Variants in MYRFL observed in about 807,000 individuals in gnomAD.
MYRFL encodes the protein myelin regulatory factor-like protein.
MYRFL carries 88 observed loss-of-function variants against 109.4 expected under a neutral mutation model. The observed-to-expected ratio is 0.80, with a 90% CI of 0.68 to 0.96. MYRFL has a LOEUF of 0.96. MYRFL is among the 40% of genes least tolerant of loss of function. The pLI, the probability that MYRFL is intolerant of heterozygous loss-of-function variation, is 0.00. For synonymous variants in MYRFL, 324 were observed against 320.9 expected (o/e 1.01, Z -0.10); for missense variants, 957 against 954.9 (o/e 1.00, Z -0.03).
intron 22 of MYRFL, among the ~76,000 whole-genome samples, chr12:69,957,591 A>G (rs2120567105): frequency 6.6e-6 from 1 of 152,178 alleles, no homozygotes; most frequent in Middle Eastern, 3.4e-3. Flanking sequence ...AAAAAAAGAA[A>G]CCATCATATA....
chr12:69,914,389 G>GTACAT (rs1954668402), intron 13 of MYRFL, among the ~76,000 whole-genome samples: 1 of 152,086 alleles, frequency 6.6e-6, no homozygotes. Flanking sequence ...TAGTCCCAGG[G>GTACAT]TACAGCCTTG....
At chr12:69,926,831 G>A in intron 14 of MYRFL, 97 bp downstream of exon 14, 2 of 1,082,222 alleles carry the variant, frequency 1.8e-6, no homozygotes, top group East Asian at 3.2e-5. Context: ...TGATCAAACA[G>A]CAACCGCTAC....
At chr12:69,855,152 A>G (rs532004700) in intron 1 of MYRFL, 128 bp from the exon 2 acceptor site, 2 of 488,348 alleles carry the variant, frequency 4.1e-6, no homozygotes, top group Admixed American at 6.6e-5. Flanking sequence ...TGCCTCTTCC[A>G]TGCTGTTGAT....
intron 13 of MYRFL, among the ~76,000 whole-genome samples, chr12:69,926,282 C>T (rs897474907): frequency 2.0e-5 from 3 of 152,078 alleles, no homozygotes; most frequent in Non-Finnish European, 4.4e-5. Flanking sequence ...GAAAATAAAT[C>T]TTTCAATTCC....
chr12:69,900,658 G>A (rs1314149140), intron 10 of MYRFL, among the ~76,000 whole-genome samples: 1 of 152,176 alleles, frequency 6.6e-6, no homozygotes, highest in Non-Finnish European at 1.5e-5. Context: ...CCTAAGAGCT[G>A]CCTTCCTCAG....
chr12:69,850,222 T>C lies in MYRFL; in HGVS notation c.47-5058T>C, dbSNP rs1442739403. Among the ~76,000 whole-genome samples the C allele has an allele frequency of 2.0e-5, 3 of 152,196 alleles. 1 individual carries two copies. The highest frequency in any genetic ancestry group is 4.1e-4 in the South Asian group (2 of 4,828). ...TGGAATTGTAAGTCCAATAAACCTC[T>C]TCGTTTTGTAAATTGCCCAGTCTTG... On this transcript the variant is annotated intron_variant, in intron 1 of 24. Coordinates refer to ENST00000552032, the MANE Select transcript of MYRFL (RefSeq NM_182530.3).
intron 2 of MYRFL, among the ~76,000 whole-genome samples, chr12:69,858,846 A>G (rs1884461268): frequency 6.6e-6 from 1 of 150,868 alleles, no homozygotes; most frequent in Admixed American, 6.6e-5. Flanking sequence ...ACTGACTTCT[A>G]CTCTTATCTT....
intron 2 of MYRFL, among the ~76,000 whole-genome samples, chr12:69,857,569 T>G (rs1884374448): frequency 6.6e-6 from 1 of 151,842 alleles, no homozygotes; most frequent in Non-Finnish European, 1.5e-5. Context: ...CTTTCATCAG[T>G]GTTTTATAGT....
Position 69,932,508 on chromosome 12 carries a change from TA to T in MYRFL, c.1831-4del. 2 of 1,533,412 alleles carry T rather than the reference TA, an allele frequency of 1.3e-6. No individual in the cohort carries two copies. The highest frequency in any genetic ancestry group is 1.7e-6 in the Non-Finnish European group (2 of 1,144,424). The allele number at this position is 1,533,412 out of a possible 1,614,324, so 95.0% of individuals were successfully genotyped here. ...ATCACTGCTCATTACTGAACCTTTT[TA>T]TAGGTTTATTTTTCAGGAAAAAGAC... On this transcript the variant is annotated splice_region_variant and splice_polypyrimidine_tract_variant and intron_variant, in intron 15 of 24. Coordinates refer to ENST00000552032, the MANE Select transcript of MYRFL (RefSeq NM_182530.3).
At chr12:69,888,414 A>C (rs1886586843) in intron 6 of MYRFL, among the ~76,000 whole-genome samples, 1 of 152,246 alleles carries the variant, frequency 6.6e-6, no homozygotes. Context: ...TTTCTTAAGT[A>C]ACCTAAAAAC....
intron 1 of MYRFL, among the ~76,000 whole-genome samples, chr12:69,851,949 G>C (rs569630037): frequency 6.6e-6 from 1 of 152,350 alleles, no homozygotes; most frequent in South Asian, 2.1e-4. Flanking sequence ...GGCATGAGCT[G>C]TGGTACCCAG....
chr12:69,899,039 T>A (rs903444446), intron 10 of MYRFL, among the ~76,000 whole-genome samples: 76 of 152,234 alleles, frequency 5.0e-4, no homozygotes, highest in Admixed American at 1.4e-3. Context: ...CAGCATAGTT[T>A]GGGTGTCATG....
intron 1 of MYRFL, among the ~76,000 whole-genome samples, chr12:69,838,348 C>A (rs533572637): frequency 6.6e-6 from 1 of 152,288 alleles, no homozygotes; most frequent in South Asian, 2.1e-4. Flanking sequence ...TCTGCCTCCT[C>A]CTCTTCTCCC....
At chr12:69,903,552 A>G in intron 10 of MYRFL, 92 bp from the exon 11 acceptor site, 1 of 1,262,754 alleles carries the variant, frequency 7.9e-7, no homozygotes, top group East Asian at 2.5e-5. Flanking sequence ...AGACTTAGAT[A>G]ATATTCAGTT....
intron 2 of MYRFL, among the ~76,000 whole-genome samples, chr12:69,861,550 TG>T (rs151286365): frequency 0.11 from 16,358 of 152,304 alleles, 1,209 homozygotes; most frequent in Middle Eastern, 0.18. Context: ...TGTCTTCTTC[TG>T]AGAAGTGTCT....
chr12:69,860,252 C>T (rs186629338), intron 2 of MYRFL, among the ~76,000 whole-genome samples: 6 of 152,312 alleles, frequency 3.9e-5, no homozygotes, highest in Non-Finnish European at 8.8e-5. Context: ...CTTCCAACTC[C>T]ATCCATGTCC....
chr12:69,952,051 A>G, intron 19 of MYRFL, 62 bp from the exon 20 acceptor site: 2 of 1,410,296 alleles, frequency 1.4e-6, no homozygotes, highest in Non-Finnish European at 1.9e-6. Flanking sequence ...TAGGTCACAC[A>G]TGGGGTTTCT....
intron 21 of MYRFL, among the ~76,000 whole-genome samples, chr12:69,953,468 G>A (rs571808433): frequency 6.6e-6 from 1 of 152,100 alleles, no homozygotes; most frequent in Non-Finnish European, 1.5e-5. Context: ...CAGTTGTAGG[G>A]ATTAAGAATG....
At chr12:69,938,922 A>G (rs572482346) in intron 19 of MYRFL, among the ~76,000 whole-genome samples, 1 of 152,162 alleles carries the variant, frequency 6.6e-6, no homozygotes, top group African/African-American at 2.4e-5. Context: ...AATCAAAGAA[A>G]GGGGTGACGG....
Sources: allele counts gnomAD v4.1 joint callset (sites outside exome capture counted in the v4.1 genomes callset), GRCh38; gene constraint gnomAD v4.1.1; transcripts MANE v1.5; gene names NCBI Gene and HGNC (gene_info 2026-07-23, HGNC 2026-07-21).